Variants in C2orf92 observed in about 807,000 individuals in gnomAD.
C2orf92 encodes chromosome 2 open reading frame 92.
At chr2:97,681,358 G>T (rs1348650629) in intron 3 of C2orf92, among the ~76,000 whole-genome samples, 1 of 152,094 alleles carries the variant, frequency 6.6e-6, no homozygotes, top group Non-Finnish European at 1.5e-5. Flanking sequence ...GATCACAATG[G>T]AATGAAACTA....
At chr2:97,684,535 T>C (rs553686703) in intron 3 of C2orf92, among the ~76,000 whole-genome samples, 33 of 152,212 alleles carry the variant, frequency 2.2e-4, no homozygotes, top group Non-Finnish European at 3.7e-4. Context: ...GAAGTAAACA[T>C]AGGTGAAAAT....
chr2:97,676,327 G>C (rs1040517936), intron 3 of C2orf92, among the ~76,000 whole-genome samples: 1 of 151,262 alleles, frequency 6.6e-6, no homozygotes, highest in African/African-American at 2.4e-5. Context: ...CCAGCTACTC[G>C]GGAGGTTGAG....
chr2:97,697,018 A>G (rs1330503492), intron 5 of C2orf92, among the ~76,000 whole-genome samples: 1 of 152,220 alleles, frequency 6.6e-6, no homozygotes, highest in Non-Finnish European at 1.5e-5. Context: ...TCTTGAGCAC[A>G]AAGTCAGAGT....
chr2:97,689,757 T>G (rs1163770262), intron 4 of C2orf92, among the ~76,000 whole-genome samples: 1 of 152,156 alleles, frequency 6.6e-6, no homozygotes, highest in Non-Finnish European at 1.5e-5. Flanking sequence ...GCGGCACCAC[T>G]GTCTACATCA....
upstream of C2orf92, chr2:97,665,727 CTCTCTCTCTCTATATATATATATATA>C (rs1235655786): frequency 0.01 from 349 of 33,578 alleles, 1 homozygote; most frequent in Admixed American, 0.017. Flanking sequence ...CTCTCTCTCT[CTCTCTCTCTCTATATATATATATATA>C]TATATATATA....
intron 5 of C2orf92, among the ~76,000 whole-genome samples, chr2:97,692,303 C>T (rs1676163908): frequency 6.6e-6 from 1 of 151,926 alleles, no homozygotes; most frequent in South Asian, 2.1e-4. Context: ...TACTCTCTAC[C>T]TACTTAATGT....
chr2:97,692,272 GA>G (rs1027219482), intron 5 of C2orf92, among the ~76,000 whole-genome samples: 1 of 152,130 alleles, frequency 6.6e-6, no homozygotes, highest in Non-Finnish European at 1.5e-5. Context: ...TATTGTAAGA[GA>G]GGGGGTTTCT....
chr2:97,693,474 C>G (rs1676205326), intron 5 of C2orf92, among the ~76,000 whole-genome samples: 1 of 152,166 alleles, frequency 6.6e-6, no homozygotes, highest in Non-Finnish European at 1.5e-5. Flanking sequence ...TCTTCACATC[C>G]TTGTTAACAT....
upstream of C2orf92, among the ~76,000 whole-genome samples, chr2:97,665,620 A>G (rs1675182038): frequency 6.6e-6 from 1 of 151,646 alleles, no homozygotes. Flanking sequence ...TGACAGCATA[A>G]CAAAATTTAG....
chr2:97,675,008 A>G (rs1675530965), intron 2 of C2orf92, among the ~76,000 whole-genome samples: 1 of 152,132 alleles, frequency 6.6e-6, no homozygotes, highest in Admixed American at 6.5e-5. Context: ...CTCTGCCATC[A>G]TTCCACCTCA....
chr2:97,681,032 G>C (rs1675754120), intron 3 of C2orf92, among the ~76,000 whole-genome samples: 1 of 150,518 alleles, frequency 6.6e-6, no homozygotes, highest in Non-Finnish European at 1.5e-5. Context: ...ACTTGAACCA[G>C]GGAGGCAGAG....
chr2:97,687,484 A>G (rs1483661477), intron 3 of C2orf92, among the ~76,000 whole-genome samples: 1 of 152,184 alleles, frequency 6.6e-6, no homozygotes, highest in Admixed American at 6.6e-5. Flanking sequence ...GCTGAGATGG[A>G]GAAAAGGGTT....
chr2:97,669,511 A>G (rs1675338718), upstream of C2orf92: 2 of 328,264 alleles, frequency 6.1e-6, no homozygotes, highest in African/African-American at 4.2e-5. Flanking sequence ...CCTGGTTAAT[A>G]TCCTGTTGCC....
At chr2:97,671,598 A>G in intron 1 of C2orf92, 2 of 398,086 alleles carry the variant, frequency 5.0e-6, no homozygotes, top group Non-Finnish European at 8.9e-6. Flanking sequence ...GCTGCTGTGA[A>G]GGGAAGGCAG....
At chr2:97,686,318 C>T (rs562642793) in intron 3 of C2orf92, among the ~76,000 whole-genome samples, 1 of 152,304 alleles carries the variant, frequency 6.6e-6, no homozygotes, top group East Asian at 1.9e-4. Context: ...GGCCCTACCT[C>T]CTAACATGAC....
intron 5 of C2orf92, chr2:97,697,294 C>A (rs184722689): frequency 6.6e-6 from 1 of 152,188 alleles, no homozygotes. Context: ...ACATAAAAGA[C>A]GCCTTCAGAT....
At chr2:97,664,008 CG>C (rs1161496943), upstream of C2orf92, 4 of 533,376 alleles carry the variant, frequency 7.5e-6, no homozygotes, top group African/African-American at 8.2e-5. Context: ...CCTCCCTCCC[CG>C]AGCCTGCAGC....
intron 3 of C2orf92, among the ~76,000 whole-genome samples, chr2:97,681,441 A>G (rs1055405034): frequency 3.3e-5 from 5 of 152,212 alleles, no homozygotes; most frequent in South Asian, 2.1e-4. Context: ...TAAATAATCA[A>G]TGGGTCAAAG....
chr2:97,684,939 TTTA>T (rs1461142863), intron 3 of C2orf92, among the ~76,000 whole-genome samples: 1 of 151,940 alleles, frequency 6.6e-6, no homozygotes, highest in African/African-American at 2.4e-5. Flanking sequence ...TATTTTTATT[TTTA>T]TTTTTGAGAC....
Sources: allele counts gnomAD v4.1 joint callset (sites outside exome capture counted in the v4.1 genomes callset), GRCh38; gene constraint gnomAD v4.1.1; transcripts MANE v1.5; gene names NCBI Gene and HGNC (gene_info 2026-07-23, HGNC 2026-07-21).